SORCS2: variants seen among roughly 807,000 people sequenced by gnomAD.
The protein encoded by SORCS2 is sortilin related VPS10 domain containing receptor 2, also known as VPS10 domain-containing receptor SorCS2.
In SORCS2, 100 loss-of-function variants were observed where a neutral mutation model predicts 141.6. The ratio of observed to expected loss-of-function variants is 0.71; its 90% confidence interval spans 0.60 to 0.83. The LOEUF is 0.83. Ranked by LOEUF, SORCS2 falls within the 40% of genes least tolerant of loss-of-function variation. The pLI, the probability that SORCS2 is intolerant of heterozygous loss-of-function variation, is 0.00. For synonymous variants in SORCS2, 789 were observed against 676.9 expected (o/e 1.17, Z -2.57); for missense variants, 1,646 against 1,560.2 (o/e 1.05, Z -0.93).
intron 3 of SORCS2, among the ~76,000 whole-genome samples, chr4:7,588,532 C>A (rs942814653): frequency 6.6e-6 from 1 of 152,176 alleles, no homozygotes; most frequent in Non-Finnish European, 1.5e-5. Context: ...TGCTGAATGG[C>A]ACTTGGAGGA....
intron 11 of SORCS2, among the ~76,000 whole-genome samples, chr4:7,694,695 C>G (rs986813991): frequency 6.6e-6 from 1 of 152,300 alleles, no homozygotes; most frequent in African/African-American, 2.4e-5. Flanking sequence ...ATTCATTCAC[C>G]TCACTCACTT....
intron 1 of SORCS2, among the ~76,000 whole-genome samples, chr4:7,245,051 G>A (rs1420922280): frequency 1.3e-5 from 2 of 152,208 alleles, no homozygotes; most frequent in African/African-American, 4.8e-5. Context: ...AGTTCAGCAA[G>A]CGTGGATGGG....
intron 1 of SORCS2, among the ~76,000 whole-genome samples, chr4:7,277,435 G>A (rs1040941239): frequency 2.0e-5 from 3 of 152,132 alleles, no homozygotes; most frequent in African/African-American, 7.2e-5. Context: ...CGGGCTTTCC[G>A]TGACGAAGAT....
intron 1 of SORCS2, among the ~76,000 whole-genome samples, chr4:7,253,233 C>T (rs1037039072): frequency 5.3e-5 from 8 of 152,252 alleles, no homozygotes; most frequent in Non-Finnish European, 1.0e-4. Flanking sequence ...CCCAGGAGCC[C>T]TCCCAACAAG....
At chr4:7,604,837 A>C (rs1717958306) in intron 3 of SORCS2, among the ~76,000 whole-genome samples, 2 of 152,156 alleles carry the variant, frequency 1.3e-5, no homozygotes, top group African/African-American at 4.8e-5. Context: ...TCATCCTTAC[A>C]ACAAAGATGT....
chr4:7,338,154 A>T (rs1417918812), intron 1 of SORCS2, among the ~76,000 whole-genome samples: 1 of 143,794 alleles, frequency 7.0e-6, no homozygotes, highest in Admixed American at 6.8e-5. Context: ...GCATGGATGG[A>T]TGTTGGTTGG....
intron 1 of SORCS2, among the ~76,000 whole-genome samples, chr4:7,217,936 A>G (rs1045606079): frequency 5.3e-5 from 8 of 152,298 alleles, no homozygotes; most frequent in Admixed American, 1.3e-4. Context: ...CCGGGGTCAC[A>G]GTGCACGGTC....
chr4:7,728,312 C>T, intron 21 of SORCS2, 38 bp from the exon 22 acceptor site: 1 of 1,525,032 alleles, frequency 6.6e-7, no homozygotes, highest in Non-Finnish European at 9.0e-7. Context: ...GCCAGGCTGT[C>T]CAGAACTGAC....
chr4:7,638,359 G>C lies in SORCS2; in HGVS notation c.680G>C (p.Arg227Pro). The C allele has an allele frequency of 2.0e-6, 3 of 1,526,424 alleles. No individual in the cohort carries two copies. The South Asian group carries it at 3.9e-5, about 20-fold the overall frequency. The allele number at this position is 1,526,424 out of a possible 1,614,324, so 94.6% of individuals were successfully genotyped here. A position where few individuals can be genotyped will look rare whatever the true frequency, so the allele number is the denominator to read the frequency against. Residue 227 changes from arginine (R) to proline (P), a missense_variant, in exon 4 of 27, where the codon CGG becomes CCG. Physicochemically the swap from Arg to Pro is moderately radical, Grantham distance 103. Coordinates refer to ENST00000507866, the MANE Select transcript of SORCS2 (RefSeq NM_020777.3). Reference sequence around the variant, plus strand: ...CTTGTCAGCTCCTCACTCAGTGACCGGGACCAGAGCCTATTCCTCAGCGCA... The same window carrying C: ...CTTGTCAGCTCCTCACTCAGTGACCCGGACCAGAGCCTATTCCTCAGCGCA... Reference protein sequence around the residue: ...VILVSSSLSDRDQSLFLSADE... With the variant: ...VILVSSSLSDPDQSLFLSADE...
intron 3 of SORCS2, among the ~76,000 whole-genome samples, chr4:7,542,864 G>A (rs928453849): frequency 7.9e-5 from 12 of 152,246 alleles, no homozygotes; most frequent in African/African-American, 2.9e-4. Flanking sequence ...GCACAGCACT[G>A]CCTCTTACGC....
At chr4:7,593,442 C>T (rs192375928) in intron 3 of SORCS2, among the ~76,000 whole-genome samples, 29 of 152,304 alleles carry the variant, frequency 1.9e-4, no homozygotes, top group African/African-American at 6.7e-4. Context: ...AAGGGCAGGA[C>T]CGCCTCCTGG....
At chr4:7,443,861 A>C (rs4689120) in intron 2 of SORCS2, among the ~76,000 whole-genome samples, 88,078 of 152,152 alleles carry the variant, frequency 0.58, 26,245 homozygotes, top group East Asian at 0.85. Flanking sequence ...GGTGGTTTCC[A>C]ACAGGGGTCC....
chr4:7,544,870 T>TA (rs1402956862), intron 3 of SORCS2, among the ~76,000 whole-genome samples: 38 of 152,110 alleles, frequency 2.5e-4, no homozygotes, highest in African/African-American at 8.9e-4. Flanking sequence ...AGCCCCTGCC[T>TA]GGTGGGAACA....
chr4:7,336,993 A>C (rs527831808), intron 1 of SORCS2, among the ~76,000 whole-genome samples: 120 of 152,320 alleles, frequency 7.9e-4, no homozygotes, highest in Middle Eastern at 3.4e-3. Flanking sequence ...GGATTGATTG[A>C]GCTGACTTAC....
At chr4:7,264,564 G>T (rs1319836846) in intron 1 of SORCS2, among the ~76,000 whole-genome samples, 1 of 152,232 alleles carries the variant, frequency 6.6e-6, no homozygotes, top group African/African-American at 2.4e-5. Context: ...AGGCTTCTCC[G>T]TGGAGTGATG....
At position 7,286,840 on chromosome 4, in the gene SORCS2, C is replaced by T. The variant is rs1361611183; in HGVS notation, c.480+93714C>T. Reference sequence around the variant, plus strand: ...AACCTGGGTGCTGCTTTTCAGGGTACAGGAGCTATGGAAGGTCCCAAGAGG... The same window carrying T: ...AACCTGGGTGCTGCTTTTCAGGGTATAGGAGCTATGGAAGGTCCCAAGAGG... On this transcript the variant is annotated intron_variant, in intron 1 of 26. Transcript: ENST00000507866. The surrounding 1 kb of genome is among the most constrained non-coding windows in gnomAD (Gnocchi z 4.1). Among the ~76,000 whole-genome samples, 2 of 152,192 alleles carry T rather than the reference C, an allele frequency of 1.3e-5. No individual in the cohort carries two copies. The highest frequency in any genetic ancestry group is 2.4e-5 in the African/African-American group (1 of 41,436).
chr4:7,489,302 AT>A (rs1448159551), intron 2 of SORCS2, among the ~76,000 whole-genome samples: 1 of 152,078 alleles, frequency 6.6e-6, no homozygotes, highest in African/African-American at 2.4e-5. Context: ...AGATGCTGCC[AT>A]TTCCAAGCAC....
At chr4:7,315,286 A>G (rs1442938977) in intron 1 of SORCS2, among the ~76,000 whole-genome samples, 3 of 152,212 alleles carry the variant, frequency 2.0e-5, no homozygotes, top group African/African-American at 7.2e-5. Flanking sequence ...AAGTCTGACC[A>G]TGATCGGCTG....
chr4:7,246,375 A>G (rs1713089033), intron 1 of SORCS2, among the ~76,000 whole-genome samples: 2 of 152,166 alleles, frequency 1.3e-5, no homozygotes, highest in African/African-American at 2.4e-5. Context: ...CCCAGGGCTT[A>G]AATGAACCCG....
Sources: gnomAD v4.1 joint callset for allele counts (sites outside exome capture counted in the v4.1 genomes callset) on GRCh38, gnomAD v4.1.1 for gene constraint, Gnocchi (gnomAD v3.1) non-coding constraint, MANE v1.5 for transcripts, NCBI Gene and HGNC (gene_info 2026-07-23, HGNC 2026-07-21) for gene names.